MACROD2: variants seen among roughly 807,000 people sequenced by gnomAD.
The protein encoded by MACROD2 is mono-ADP ribosylhydrolase 2.
Under a neutral mutation model 70.4 loss-of-function variants are expected in MACROD2, and 36 were observed. The ratio of observed to expected loss-of-function variants is 0.51; its 90% CI spans 0.39 to 0.68. The LOEUF is 0.68. Ranked by LOEUF, MACROD2 falls within the 30% of genes least tolerant of loss-of-function variation. The pLI, the probability that MACROD2 is intolerant of heterozygous loss-of-function variation, is 0.00. For synonymous variants in MACROD2, 172 were observed against 178.8 expected (o/e 0.96, Z 0.30); for missense variants, 496 against 538.4 (o/e 0.92, Z 0.78).
intron 5 of MACROD2, among the ~76,000 whole-genome samples, chr20:15,223,415 G>A (rs1324143537): frequency 1.3e-5 from 2 of 152,142 alleles, no homozygotes; most frequent in Admixed American, 6.5e-5. Flanking sequence ...TGACAGCCAT[G>A]TCTGCCCTTT....
chr20:14,374,881 T>C (rs1294526196), intron 3 of MACROD2, among the ~76,000 whole-genome samples: 2 of 152,192 alleles, frequency 1.3e-5, no homozygotes, highest in Non-Finnish European at 2.9e-5. Context: ...ATGGCACATC[T>C]CTTTTCTCCC....
chr20:14,027,868 A>G (rs2148629472), intron 2 of MACROD2, among the ~76,000 whole-genome samples: 1 of 152,268 alleles, frequency 6.6e-6, no homozygotes, highest in East Asian at 1.9e-4. Flanking sequence ...GGGAGGTGTC[A>G]CCTAGTCAAG....
chr20:14,001,166 C>T (rs903186844), intron 1 of MACROD2, among the ~76,000 whole-genome samples: 1 of 152,160 alleles, frequency 6.6e-6, no homozygotes, highest in Non-Finnish European at 1.5e-5. Context: ...TTTTGGCTCA[C>T]TTCCTGAAAC....
intron 3 of MACROD2, among the ~76,000 whole-genome samples, chr20:14,367,228 TTG>T (rs1278501777): frequency 6.6e-6 from 1 of 152,242 alleles, no homozygotes; most frequent in East Asian, 1.9e-4. Flanking sequence ...TCTTTATACA[TTG>T]TGTGTCTGAT....
At chr20:15,364,414 T>C (rs2045375653) in intron 6 of MACROD2, among the ~76,000 whole-genome samples, 2 of 152,228 alleles carry the variant, frequency 1.3e-5, no homozygotes, top group South Asian at 2.1e-4. Flanking sequence ...TTTGGCTTTT[T>C]GTATAGACCC....
At chr20:14,880,065 G>C (rs1045871346) in intron 5 of MACROD2, among the ~76,000 whole-genome samples, 1 of 152,110 alleles carries the variant, frequency 6.6e-6, no homozygotes, top group Non-Finnish European at 1.5e-5. Flanking sequence ...TGTGTTGACT[G>C]GTGGAAAGCA....
intron 8 of MACROD2, among the ~76,000 whole-genome samples, chr20:15,507,215 CTTTA>C (rs1481005748): frequency 2.6e-5 from 4 of 151,630 alleles, no homozygotes; most frequent in East Asian, 1.9e-4. Context: ...CTCTCTACCT[CTTTA>C]TTTTTCTCTC....
chr20:14,491,830 T>G (rs2123102044), intron 3 of MACROD2, among the ~76,000 whole-genome samples: 1 of 152,314 alleles, frequency 6.6e-6, no homozygotes, highest in African/African-American at 2.4e-5. Context: ...ATGTGAAAAT[T>G]GGAGGACAAC....
At chr20:15,519,343 C>T (rs1296729053) in intron 8 of MACROD2, among the ~76,000 whole-genome samples, 1 of 152,014 alleles carries the variant, frequency 6.6e-6, no homozygotes, top group Non-Finnish European at 1.5e-5. Context: ...CCAGGATGGC[C>T]TCGATCTCCT....
chr20:14,600,196 C>T (rs987193043), intron 4 of MACROD2, among the ~76,000 whole-genome samples: 2 of 151,990 alleles, frequency 1.3e-5, no homozygotes, highest in Non-Finnish European at 2.9e-5. Context: ...AGTCAAATCA[C>T]TTAATCTTTC....
At chr20:15,331,361 C>T (rs6079760) in intron 6 of MACROD2, among the ~76,000 whole-genome samples, 42,327 of 151,376 alleles carry the variant, frequency 0.28, 7,168 homozygotes, top group Non-Finnish European at 0.39. Context: ...CTTGGTTGAA[C>T]TATTAATGAA....
intron 1 of MACROD2, chr20:13,996,186 G>C (rs1405264576): frequency 4.0e-6 from 1 of 251,052 alleles, no homozygotes; most frequent in African/African-American, 2.3e-5. Flanking sequence ...TGCCGGCCTG[G>C]GTGTCCCGCG....
intron 5 of MACROD2, among the ~76,000 whole-genome samples, chr20:15,151,925 G>A (rs1036139632): frequency 1.2e-4 from 18 of 151,844 alleles, no homozygotes; most frequent in Non-Finnish European, 7.4e-5. Flanking sequence ...GGGGTCAGAT[G>A]GGTCTGTAGA....
chr20:14,657,286 A>C (rs1018854365), intron 4 of MACROD2, among the ~76,000 whole-genome samples: 1 of 152,228 alleles, frequency 6.6e-6, no homozygotes, highest in South Asian at 2.1e-4. Flanking sequence ...TCATTAGTAG[A>C]AGCCCTTTAA....
At chr20:14,086,345 G>T (rs2054076427) in intron 3 of MACROD2, 2 of 219,898 alleles carry the variant, frequency 9.1e-6, no homozygotes, top group Admixed American at 9.8e-5. Flanking sequence ...TATCAAAAAA[G>T]ATATAACAGC....
chr20:15,182,628 G>A (rs924928300), intron 5 of MACROD2, among the ~76,000 whole-genome samples: 1 of 152,152 alleles, frequency 6.6e-6, no homozygotes, highest in South Asian at 2.1e-4. Context: ...AGGCATGCAG[G>A]TGTGTTCCCC....
chr20:15,030,911 T>A (rs2075269552), intron 5 of MACROD2, among the ~76,000 whole-genome samples: 1 of 152,156 alleles, frequency 6.6e-6, no homozygotes, highest in Admixed American at 6.5e-5. Context: ...TGGTAGCGCC[T>A]TTGCCCGAAT....
At chr20:14,881,020 A>G (rs1156924522) in intron 5 of MACROD2, among the ~76,000 whole-genome samples, 2 of 152,176 alleles carry the variant, frequency 1.3e-5, no homozygotes, top group Admixed American at 1.3e-4. Flanking sequence ...ATGCCTGTGC[A>G]TGAGTCCTTG....
chr20:16,032,256 G>A (rs569718162), intron 15 of MACROD2, among the ~76,000 whole-genome samples: 31 of 151,998 alleles, frequency 2.0e-4, no homozygotes, highest in Non-Finnish European at 3.8e-4. Context: ...CCCTTGGAGG[G>A]TGGAGGGAGT....
Sources: allele counts gnomAD v4.1 joint callset (sites outside exome capture counted in the v4.1 genomes callset), GRCh38; gene constraint gnomAD v4.1.1; transcripts MANE v1.5; gene names NCBI Gene and HGNC (gene_info 2026-07-23, HGNC 2026-07-21).